The following PCDHGB5 variants were observed in gnomAD, a reference collection of about 807,000 sequenced individuals.
PCDHGB5 encodes protocadherin gamma subfamily B, 5.
A neutral mutation model predicts 62.9 loss-of-function variants in PCDHGB5; 48 were observed. The ratio of observed to expected loss-of-function variants is 0.76; its 90% CI spans 0.61 to 0.97. The LOEUF is 0.97. Among genes scored for constraint, PCDHGB5 ranks in the 50% least tolerant of loss-of-function variants. PCDHGB5 has a pLI of 0.00. For missense variants in PCDHGB5, 1,118 were observed against 1,198.6 expected (o/e 0.93, Z 0.99); for synonymous variants, 474 against 511.2 (o/e 0.93, Z 0.98).
rs752145084 is a variant in PCDHGB5 at position 141,489,550 on chromosome 5, C to T, written c.2398-5257C>T. On this transcript the variant is annotated intron_variant, in intron 1 of 3. Coordinates refer to ENST00000617380, the MANE Select transcript of PCDHGB5 (RefSeq NM_018925.3). This position sits in a 1 kb window ranked among gnomAD's most constrained non-coding sequence, Gnocchi z 4.5. ...ATGTGGAGCCAGCACCAGCTGCCTGCTGCCAGTGCAGGTGGTGACTGAACA... is the reference window on the plus strand; with the variant it reads ...ATGTGGAGCCAGCACCAGCTGCCTGTTGCCAGTGCAGGTGGTGACTGAACA... The T allele has an allele frequency of 1.2e-6, 2 of 1,614,132 alleles. No homozygotes were observed. The highest frequency in any genetic ancestry group is 1.7e-5 in the Admixed American group (1 of 60,030).
intron 1 of PCDHGB5, chr5:141,407,996 TGG>T: frequency 1.1e-6 from 1 of 872,310 alleles, no homozygotes; most frequent in South Asian, 2.0e-5. Flanking sequence ...GCCTCTGGCC[TGG>T]GATTCCCTGC....
chr5:141,427,887 C>G, intron 1 of PCDHGB5: 1 of 1,565,908 alleles, frequency 6.4e-7, no homozygotes, highest in South Asian at 1.1e-5. Flanking sequence ...GGCCCACGAC[C>G]AGGGCTCGCC....
At chr5:141,452,951 G>A (rs1397204185) in intron 1 of PCDHGB5, among the ~76,000 whole-genome samples, 1 of 152,154 alleles carries the variant, frequency 6.6e-6, no homozygotes, top group Admixed American at 6.6e-5. Context: ...GCAATTGGTT[G>A]TCTTTAAACT....
intron 1 of PCDHGB5, among the ~76,000 whole-genome samples, chr5:141,439,139 G>T (rs2098090438): frequency 6.6e-6 from 1 of 150,672 alleles, no homozygotes; most frequent in South Asian, 2.1e-4. Flanking sequence ...GTTGCAGTGA[G>T]CTGAGATCAC....
At chr5:141,504,743 G>A (rs924744762) in intron 2 of PCDHGB5, among the ~76,000 whole-genome samples, 5 of 151,982 alleles carry the variant, frequency 3.3e-5, no homozygotes, top group African/African-American at 9.7e-5. Context: ...GGAAGCCATT[G>A]AATTTTAGAA....
chr5:141,495,818 GTTC>G (rs2099764072), intron 2 of PCDHGB5, among the ~76,000 whole-genome samples: 1 of 151,904 alleles, frequency 6.6e-6, no homozygotes, highest in South Asian at 2.1e-4. Context: ...AGCGCCTTGT[GTTC>G]TTCTATCCCC....
rs1230384508 is a variant in PCDHGB5 at position 141,490,990 on chromosome 5, C to T, written c.2398-3817C>T. On this transcript the variant is annotated intron_variant, in intron 1 of 3. Coordinates refer to ENST00000617380, the MANE Select transcript of PCDHGB5 (RefSeq NM_018925.3). The surrounding 1 kb of genome is among the most constrained non-coding windows in gnomAD (Gnocchi z 5.4). ...CCCCCAGCGTCTCCCTCGCTCTGCT[C>T]CTCCTGGCTCCTTGGTCACCAAGGT... 6 of 1,614,102 alleles carry T rather than the reference C, an allele frequency of 3.7e-6. No homozygotes were observed. The highest frequency in any genetic ancestry group is 1.3e-5 in the African/African-American group (1 of 75,064).
chr5:141,456,383 T>G (rs1372337704), intron 1 of PCDHGB5, among the ~76,000 whole-genome samples: 4 of 152,130 alleles, frequency 2.6e-5, no homozygotes, highest in Admixed American at 2.6e-4. Flanking sequence ...ACAGCACCGT[T>G]TGGAGTTTGA....
In PCDHGB5 at chr5:141,491,893, G is replaced by A; in HGVS notation, c.2398-2914G>A. The stretch of plus-strand genomic sequence containing the variant: ...GGCCGATTAAGGGATGGGGCTCCGA[G>A]CACCGGGGGTGGTGGCGACTGTGGG... On this transcript the variant is annotated intron_variant, in intron 1 of 3. Transcript: ENST00000617380. This position sits in a 1 kb window ranked among gnomAD's most constrained non-coding sequence, Gnocchi z 6.9. 9 of 1,438,856 alleles carry A rather than the reference G, an allele frequency of 6.3e-6. No individual in the cohort carries two copies. Among genetic ancestry groups the A allele is most frequent in the Non-Finnish European group, 8.3e-6 (9 of 1,088,104 alleles). 89.1% of individuals were successfully genotyped at this position (1,438,856 alleles called of 1,614,324 possible). A position where few individuals can be genotyped will look rare whatever the true frequency, so the allele number is the denominator to read the frequency against.
At chr5:141,433,560 G>A (rs1276743163) in intron 1 of PCDHGB5, among the ~76,000 whole-genome samples, 1 of 152,110 alleles carries the variant, frequency 6.6e-6, no homozygotes, top group East Asian at 1.9e-4. Flanking sequence ...TTCTGGCTGG[G>A]CGCGGTGGCT....
chr5:141,454,407 T>TTTTA (rs1029547484), intron 1 of PCDHGB5, among the ~76,000 whole-genome samples: 21 of 152,236 alleles, frequency 1.4e-4, no homozygotes, highest in Admixed American at 1.2e-3. Flanking sequence ...GCTTATTCCT[T>TTTTA]TTTATTTATT....
chr5:141,446,251 A>G (rs979768028), intron 1 of PCDHGB5, among the ~76,000 whole-genome samples: 1 of 152,178 alleles, frequency 6.6e-6, no homozygotes, highest in Admixed American at 6.5e-5. Context: ...ATCTTCAGTG[A>G]AATATTATTA....
chr5:141,428,266 G>A (rs764763674), intron 1 of PCDHGB5: 1 of 810,620 alleles, frequency 1.2e-6, no homozygotes. Context: ...TGACAGTCCT[G>A]TGCCCTCTGA....
rs1212381177 is a variant in PCDHGB5 at position 141,438,571 on chromosome 5, TATAC to T, written c.2397+38067_2397+38070del. ...GCCCTAATAAGAGGCAGCTGTCTGATATACATACATACATACATACATATATATA... is the reference window on the plus strand; with the variant it reads ...GCCCTAATAAGAGGCAGCTGTCTGATATACATACATACATACATATATATA... On this transcript the variant is annotated intron_variant, in intron 1 of 3. Transcript: ENST00000617380. 9.4e-4 allele frequency among the ~76,000 whole-genome samples: 89 copies of T among 94,500 alleles called. 1 individual carries two copies. The highest frequency in any genetic ancestry group is 1.8e-3 in the African/African-American group (37 of 20,720). The allele number at this position is 94,500 out of a possible 152,430, so 62.0% of individuals were successfully genotyped here.
Position 141,398,700 on chromosome 5 carries a change from C to T in PCDHGB5, c.573C>T (p.Tyr191=). The change falls in exon 1 of 4, where the codon TAC becomes TAT. Residue 191 remains tyrosine (Y), a synonymous_variant. Coordinates refer to ENST00000617380, the MANE Select transcript of PCDHGB5 (RefSeq NM_018925.3). ...AGGAGAAACAGGATGGTAGTAAATACCCGGAACTGGCACTGGAGAAAACCT... is the reference window on the plus strand; with the variant it reads ...AGGAGAAACAGGATGGTAGTAAATATCCGGAACTGGCACTGGAGAAAACCT... ...IIKEKQDGSK[Y]PELALEKTLD... is the part of the protein sequence containing the mutation. 1 of 1,613,844 alleles carries T rather than the reference C, an allele frequency of 6.2e-7. No individual in the cohort carries two copies. The highest frequency in any genetic ancestry group is 8.5e-7 in the Non-Finnish European group (1 of 1,179,900).
At position 141,400,212 on chromosome 5, in the gene PCDHGB5, C is replaced by A. The variant is rs773459521; in HGVS notation, c.2085C>A (p.Ile695=). 6.2e-7 allele frequency: 1 copy of A among 1,614,058 alleles called. No individual in the cohort carries two copies. Among genetic ancestry groups the A allele is most frequent in the East Asian group, 2.2e-5 (1 of 44,882 alleles). The change falls in exon 1 of 4, where the codon ATC becomes ATA. Residue 695 remains isoleucine, a synonymous_variant. Transcript: ENST00000617380. ...ACCTAGTGGTGGCCTTGGCCTTGATCTCAGTGCTCTTCCTCCTGGCCGTGA... is the reference window on the plus strand; with the variant it reads ...ACCTAGTGGTGGCCTTGGCCTTGATATCAGTGCTCTTCCTCCTGGCCGTGA... The part of the protein sequence containing the change: ...QFYLVVALAL[I]SVLFLLAVIL...
chr5:141,432,945 G>A lies in PCDHGB5; in HGVS notation c.2397+32421G>A, dbSNP rs761055026. On this transcript the variant is annotated intron_variant, in intron 1 of 3. Transcript: ENST00000617380. This position sits in a 1 kb window ranked among gnomAD's most constrained non-coding sequence, Gnocchi z 6.0. ...AAGTCACGCCTGCTGCAGGCTTCAGGAGGCGGCTTGACAGGAGCGCCGGCG... is the reference window on the plus strand; with the variant it reads ...AAGTCACGCCTGCTGCAGGCTTCAGAAGGCGGCTTGACAGGAGCGCCGGCG... 3 of 1,614,218 alleles carry A rather than the reference G, an allele frequency of 1.9e-6. No individual in the cohort carries two copies. The highest frequency in any genetic ancestry group is 2.5e-6 in the Non-Finnish European group (3 of 1,180,058).
At chr5:141,480,514 C>A (rs1015316945) in intron 1 of PCDHGB5, among the ~76,000 whole-genome samples, 2 of 127,196 alleles carry the variant, frequency 1.6e-5, no homozygotes, top group African/African-American at 7.3e-5. Flanking sequence ...TGAGAACAAC[C>A]AAAAATGACA....
At chr5:141,421,618 G>A (rs748399893) in intron 1 of PCDHGB5, 1 of 1,613,766 alleles carries the variant, frequency 6.2e-7, no homozygotes, top group African/African-American at 1.3e-5. Context: ...TAATGATAAC[G>A]CCCCCAGCTT....
Sources: gnomAD v4.1 joint callset for allele counts (sites outside exome capture counted in the v4.1 genomes callset) on GRCh38, gnomAD v4.1.1 for gene constraint, Gnocchi (gnomAD v3.1) non-coding constraint, MANE v1.5 for transcripts, NCBI Gene and HGNC (gene_info 2026-07-23, HGNC 2026-07-21) for gene names.